Variants in CLMN observed in about 807,000 individuals in gnomAD.
The protein encoded by CLMN is calmin (calponin-like, transmembrane).
In CLMN, 57 loss-of-function variants were observed where a neutral mutation model predicts 92.7. The ratio of observed to expected loss-of-function variants is 0.61; its 90% confidence interval spans 0.50 to 0.77. CLMN has a LOEUF of 0.77. Ranked by LOEUF, CLMN falls within the 30% of genes least tolerant of loss-of-function variation. The pLI is 0.00. For synonymous variants in CLMN, 466 were observed against 470.6 expected, an observed-to-expected ratio of 0.99 and a Z score of 0.13; for missense variants, 1,158 against 1,237.5, an observed-to-expected ratio of 0.94 and a Z score of 0.96.
At chr14:95,280,713 T>C (rs1018142533) in intron 1 of CLMN, among the ~76,000 whole-genome samples, 1 of 152,216 alleles carries the variant, frequency 6.6e-6, no homozygotes, top group African/African-American at 2.4e-5. Context: ...ATAGGAAGCA[T>C]TGTCAAGTAT....
intron 1 of CLMN, among the ~76,000 whole-genome samples, chr14:95,253,610 T>G (rs1269814378): frequency 1.8e-4 from 19 of 105,194 alleles, no homozygotes; most frequent in Admixed American, 4.9e-4. Context: ...TGTTTTTTTG[T>G]TTTTTTGTTT....
intron 9 of CLMN, among the ~76,000 whole-genome samples, chr14:95,202,253 C>T (rs545383955): frequency 1.3e-5 from 2 of 152,292 alleles, no homozygotes; most frequent in African/African-American, 4.8e-5. Flanking sequence ...TCTATTGTTT[C>T]CTGACATAAT....
At chr14:95,234,036 A>G (rs1463844995) in intron 1 of CLMN, among the ~76,000 whole-genome samples, 1 of 152,234 alleles carries the variant, frequency 6.6e-6, no homozygotes, top group Non-Finnish European at 1.5e-5. Context: ...ATTGCTCAAT[A>G]CACAGGAGAG....
In CLMN at chr14:95,210,746, C is replaced by T. The variant is rs749922424; in HGVS notation, c.742G>A (p.Glu248Lys). 2.5e-5 allele frequency: 40 copies of T among 1,609,800 alleles called. No homozygotes were observed. The East Asian group carries it at 5.9e-4, about 24-fold the overall frequency. ...TCCTGTGCGATGCTGAAAGCCTTCT[C>T]TAGATTTTCTCGTGTGGAATTTTCC... ...ALENSTRENL[E>K]KAFSIAQDAL... Residue 248 changes from glutamate to lysine, a missense_variant, in exon 7 of 13, where the codon GAG becomes AAG. Glu to Lys is a moderately conservative substitution (Grantham distance 56). Transcript: ENST00000298912.
chr14:95,230,291 T>C (rs1277438143), intron 1 of CLMN, among the ~76,000 whole-genome samples, 158 bp from the exon 2 acceptor site: 2 of 152,252 alleles, frequency 1.3e-5, no homozygotes, highest in East Asian at 3.8e-4. Context: ...GGCAACGCCT[T>C]ACCTGGCACC....
Position 95,194,531 on chromosome 14 carries a change from C to T in CLMN, c.2769+5G>A. ...TGCGGAAAGAGAAGAAATTCACATA[C>T]TAACCGATTCCGAAGACCTATGAGT... On this transcript the variant is annotated splice_donor_5th_base_variant and intron_variant, in intron 11 of 12. Coordinates refer to ENST00000298912, the MANE Select transcript of CLMN (RefSeq NM_024734.4). The surrounding 1 kb of genome is among the most constrained non-coding windows in gnomAD (Gnocchi z 4.0). The T allele has an allele frequency of 6.2e-7, 1 of 1,614,168 alleles. No individual in the cohort carries two copies. The highest frequency in any genetic ancestry group is 8.5e-7 in the Non-Finnish European group (1 of 1,180,024).
At chr14:95,274,054 T>C (rs1227816785) in intron 1 of CLMN, among the ~76,000 whole-genome samples, 1 of 152,196 alleles carries the variant, frequency 6.6e-6, no homozygotes, top group Non-Finnish European at 1.5e-5. Context: ...CTCAGTGTCA[T>C]TACCCGGGTT....
chr14:95,197,286 G>GAGAAGAA (rs374375758), intron 9 of CLMN, among the ~76,000 whole-genome samples: 2,294 of 150,938 alleles, frequency 0.015, 67 homozygotes, highest in African/African-American at 0.053. Context: ...GAGGAAGAAG[G>GAGAAGAA]AGAAGGAGGA....
Position 95,194,638 on chromosome 14 carries a change from C to T in CLMN, c.2709-42G>A. The T allele has an allele frequency of 6.3e-7, 1 of 1,587,414 alleles. No individual in the cohort carries two copies. The highest frequency in any genetic ancestry group is 8.7e-7 in the Non-Finnish European group (1 of 1,155,666). On this transcript the variant is annotated intron_variant, in intron 10 of 12. Coordinates refer to ENST00000298912, the MANE Select transcript of CLMN (RefSeq NM_024734.4). The surrounding 1 kb of genome is among the most constrained non-coding windows in gnomAD (Gnocchi z 4.0). ...TGTTTTGAATTGGTACCACCTGGAG[C>T]TCTTCATGGCTCAGTTGTACGGTCA...
At position 95,183,264 on chromosome 14, in the gene CLMN, G is replaced by A. The variant is rs1385209233; in HGVS notation, c.*8300C>T. 1.3e-5 allele frequency: 2 copies of A among 152,300 alleles called. No individual in the cohort carries two copies. The highest frequency in any genetic ancestry group is 3.9e-4 in the East Asian group (2 of 5,180). The allele number at this position is 152,300 out of a possible 1,614,324, so 9.4% of individuals were successfully genotyped here. ...CACTCCCAGAGTTTCCTTTAAAAAA[G>A]TGTCTAAATCCTTGCATGACATTTA... On this transcript the variant is annotated 3_prime_UTR_variant, in exon 13 of 13. Coordinates refer to ENST00000298912, the MANE Select transcript of CLMN (RefSeq NM_024734.4).
At chr14:95,237,443 C>T (rs971299277) in intron 1 of CLMN, among the ~76,000 whole-genome samples, 10 of 152,248 alleles carry the variant, frequency 6.6e-5, no homozygotes, top group African/African-American at 2.2e-4. Context: ...GCTGGGACAG[C>T]ATGGTCACGT....
chr14:95,292,442 C>CCCCACA (rs1478530265), intron 1 of CLMN, among the ~76,000 whole-genome samples: 2 of 130,422 alleles, frequency 1.5e-5, no homozygotes, highest in African/African-American at 2.8e-5. Flanking sequence ...CCACCCCCAC[C>CCCCACA]CCCACCCCCA....
chr14:95,225,364 CA>C (rs1466583848), intron 2 of CLMN, among the ~76,000 whole-genome samples: 2 of 152,198 alleles, frequency 1.3e-5, no homozygotes, highest in African/African-American at 2.4e-5. Context: ...CACACTTGCA[CA>C]AAGATAGTGT....
chr14:95,319,614 CGAGCGGG>C, intron 1 of CLMN, 90 bp downstream of exon 1: 1 of 987,350 alleles, frequency 1.0e-6, no homozygotes, highest in Non-Finnish European at 1.5e-6. Flanking sequence ...GAGCGGCCGG[CGAGCGGG>C]GGCGGCGCGG....
intron 1 of CLMN, among the ~76,000 whole-genome samples, chr14:95,277,266 T>C (rs921629397): frequency 3.3e-5 from 5 of 152,340 alleles, no homozygotes; most frequent in African/African-American, 1.2e-4. Flanking sequence ...GTCATAGATA[T>C]AATGCAGGCC....
At chr14:95,288,607 C>A (rs76058505) in intron 1 of CLMN, among the ~76,000 whole-genome samples, 1,571 of 152,318 alleles carry the variant, frequency 0.01, 10 homozygotes, top group Non-Finnish European at 0.015. Flanking sequence ...CAATGCATTG[C>A]TGGCTGGCAG....
chr14:95,227,645 G>A (rs916085306), intron 2 of CLMN, among the ~76,000 whole-genome samples: 10 of 152,334 alleles, frequency 6.6e-5, no homozygotes, highest in Admixed American at 2.0e-4. Context: ...GGCCTTGGCC[G>A]GAGTCCATCC....
intron 9 of CLMN, among the ~76,000 whole-genome samples, chr14:95,200,572 G>A (rs1896849529): frequency 6.6e-6 from 1 of 152,128 alleles, no homozygotes; most frequent in Non-Finnish European, 1.5e-5. Flanking sequence ...TGCCGTAGCA[G>A]GACGCAGCAC....
intron 1 of CLMN, among the ~76,000 whole-genome samples, chr14:95,274,854 C>T (rs547009000): frequency 6.6e-6 from 1 of 152,188 alleles, no homozygotes; most frequent in Admixed American, 6.5e-5. Context: ...TGGCAGGCGC[C>T]TGTAGTCCTA....
Sources: gnomAD v4.1 joint callset for allele counts (sites outside exome capture counted in the v4.1 genomes callset) on GRCh38, gnomAD v4.1.1 for gene constraint, Gnocchi (gnomAD v3.1) non-coding constraint, MANE v1.5 for transcripts, NCBI Gene and HGNC (gene_info 2026-07-23, HGNC 2026-07-21) for gene names.